Variants in RTTN observed in about 807,000 individuals in gnomAD.
The protein encoded by RTTN is rotatin.
Under a neutral mutation model 269.2 loss-of-function variants are expected in RTTN, and 182 were observed. The observed-to-expected ratio is 0.68, with a 90% confidence interval of 0.60 to 0.76. The LOEUF is 0.76. RTTN is among the 30% of genes least tolerant of loss of function. RTTN has a pLI of 0.00. For synonymous variants in RTTN, 1,006 were observed against 963.5 expected (o/e 1.04, Z -0.82); for missense variants, 2,545 against 2,608.6 (o/e 0.98, Z 0.53).
Position 70,135,297 on chromosome 18 carries a change from A to C in RTTN, c.2789-17T>G, listed in dbSNP as rs1568441100. On this transcript the variant is annotated splice_polypyrimidine_tract_variant and intron_variant, in intron 21 of 48. Transcript: ENST00000640769. ...TTAAGGAAACTGAATAAAAAGAAGCACAACTTTATGAAATATTTGTACGTC... is the reference window on the plus strand; with the variant it reads ...TTAAGGAAACTGAATAAAAAGAAGCCCAACTTTATGAAATATTTGTACGTC... The C allele has an allele frequency of 7.3e-7, 1 of 1,368,546 alleles. No individual in the cohort carries two copies. The highest frequency in any genetic ancestry group is 2.3e-5 in the Admixed American group (1 of 43,344). The allele number at this position is 1,368,546 out of a possible 1,614,324, so 84.8% of individuals were successfully genotyped here.
intron 32 of RTTN, among the ~76,000 whole-genome samples, chr18:70,082,885 G>T (rs996212894): frequency 6.6e-6 from 1 of 151,666 alleles, no homozygotes; most frequent in Admixed American, 6.6e-5. Context: ...TAGAGATGGG[G>T]TCTCACTATG....
At chr18:70,063,332 A>G (rs2058043937) in intron 35 of RTTN, among the ~76,000 whole-genome samples, 2 of 152,198 alleles carry the variant, frequency 1.3e-5, no homozygotes, top group South Asian at 4.1e-4. Context: ...TTTGTATAAT[A>G]TTTTTCCAAA....
chr18:70,127,723 CT>C lies in RTTN; in HGVS notation c.3161del (p.Lys1054SerfsTer10), dbSNP rs778877027. On this transcript the variant is annotated frameshift_variant, in exon 25 of 49. Coordinates refer to ENST00000640769, the MANE Select transcript of RTTN (RefSeq NM_173630.4). LOFTEE classifies it high-confidence loss of function. ...TKTQEILDALKLSTEDILTLK... is the reference protein window; with the variant it reads ...TKTQEILDALXLSTEDILTLK... The stretch of plus-strand genomic sequence containing the variant: ...GAGTGAGGATGTCCTCTGTAGATAA[CT>C]TCAATGCATCTAAAATTCTAGACAA... The C allele has an allele frequency of 3.6e-5, 58 of 1,610,994 alleles. No individual in the cohort carries two copies. Among genetic ancestry groups the C allele is most frequent in the Non-Finnish European group, 4.8e-5 (57 of 1,178,144 alleles).
intron 40 of RTTN, among the ~76,000 whole-genome samples, chr18:70,035,686 A>T (rs2057151342): frequency 6.6e-6 from 1 of 152,242 alleles, no homozygotes. Context: ...AAGCAACTGC[A>T]ACAAAAGCAA....
rs544709354 is a variant in RTTN at position 70,065,450 on chromosome 18, T to C, written c.4747+379A>G. Among the ~76,000 whole-genome samples, 6 of 152,242 alleles carry C rather than the reference T, an allele frequency of 3.9e-5. No homozygotes were observed. The South Asian group carries it at 6.2e-4, about 16-fold the overall frequency. ...TTTTATGTGCCTTTAAATGGAAGCA[T>C]AGCCTTAGAAAATACTTAAAACCAG... On this transcript the variant is annotated intron_variant, in intron 35 of 48. Transcript: ENST00000640769.
chr18:70,077,448 T>C (rs1320818473), intron 32 of RTTN, among the ~76,000 whole-genome samples: 1 of 151,990 alleles, frequency 6.6e-6, no homozygotes, highest in Admixed American at 6.6e-5. Context: ...CTACTGAGGC[T>C]GATGGCCATA....
chr18:70,129,003 G>C (rs1372606680), intron 23 of RTTN: 1 of 153,808 alleles, frequency 6.5e-6, no homozygotes, highest in African/African-American at 2.4e-5. Context: ...TAAATGAATT[G>C]CCTATGATCA....
At position 70,145,782 on chromosome 18, in the gene RTTN, C is replaced by A. The variant is rs1345447747; in HGVS notation, c.2311G>T (p.Val771Phe). Reference sequence around the variant, plus strand: ...AAAAGCTTTAATGCTAGCGAACGGACCCTGAGAACACAAAGTACTTAAGTC... The same window carrying A: ...AAAAGCTTTAATGCTAGCGAACGGAACCTGAGAACACAAAGTACTTAAGTC... Reference protein sequence around the residue: ...LRLLLVKKPSVRSLALKLLAF... With the variant: ...LRLLLVKKPSFRSLALKLLAF... The change falls in exon 18 of 49, where the codon GTC (valine) becomes TTC (phenylalanine). Residue 771 changes from valine to phenylalanine, a missense_variant and splice_region_variant. Transcript: ENST00000640769. The A allele has an allele frequency of 6.2e-7, 1 of 1,600,906 alleles. No individual in the cohort carries two copies.
chr18:70,167,437 A>G (rs2061017410), intron 12 of RTTN, among the ~76,000 whole-genome samples: 1 of 152,204 alleles, frequency 6.6e-6, no homozygotes, highest in Admixed American at 6.5e-5. Context: ...AACTGACCAC[A>G]CAAAATGCCA....
intron 43 of RTTN, among the ~76,000 whole-genome samples, chr18:70,025,078 G>C (rs955314485): frequency 2.0e-5 from 3 of 152,190 alleles, no homozygotes; most frequent in Admixed American, 1.3e-4. Context: ...GTACCACTAA[G>C]TTAGGAAGCA....
intron 14 of RTTN, among the ~76,000 whole-genome samples, chr18:70,156,240 A>G (rs2060672618): frequency 6.6e-6 from 1 of 152,108 alleles, no homozygotes; most frequent in Non-Finnish European, 1.5e-5. Context: ...TGAGAAAGAG[A>G]ATGTGCCCTT....
intron 32 of RTTN, among the ~76,000 whole-genome samples, chr18:70,082,552 T>A (rs1178559786): frequency 6.6e-6 from 1 of 152,170 alleles, no homozygotes; most frequent in Non-Finnish European, 1.5e-5. Context: ...TATGAAACCA[T>A]CCACATTCAG....
intron 45 of RTTN, among the ~76,000 whole-genome samples, chr18:70,018,830 T>C (rs2056618688): frequency 7.0e-6 from 1 of 142,276 alleles, no homozygotes; most frequent in Non-Finnish European, 1.5e-5. Context: ...GCACTCCTTT[T>C]TTTTTTTTTT....
chr18:70,165,961 A>G (rs2060973202), intron 14 of RTTN, 101 bp downstream of exon 14: 2 of 1,165,354 alleles, frequency 1.7e-6, no homozygotes, highest in African/African-American at 1.5e-5. Context: ...TATAGTTCTT[A>G]TATCTCATAC....
intron 25 of RTTN, among the ~76,000 whole-genome samples, chr18:70,122,010 A>T (rs979423476): frequency 7.2e-5 from 11 of 152,246 alleles, no homozygotes; most frequent in Admixed American, 5.9e-4. Context: ...TGACTCTAAT[A>T]ACCGCCCAGT....
At chr18:70,176,539 T>A in intron 11 of RTTN, 136 bp downstream of exon 11, 1 of 627,158 alleles carries the variant, frequency 1.6e-6, no homozygotes, top group East Asian at 3.2e-5. Context: ...ATTTCCCATA[T>A]AACCTGTTAC....
In RTTN at chr18:70,077,546, G is replaced by A. The variant is rs1599415488; in HGVS notation, c.4375-2005C>T. ...TTTTTAAGTATTTTAGAAGTGAGAAGTTACACATGTAAATATGGTATTAGA... is the reference window on the plus strand; with the variant it reads ...TTTTTAAGTATTTTAGAAGTGAGAAATTACACATGTAAATATGGTATTAGA... On this transcript the variant is annotated intron_variant, in intron 32 of 48. Coordinates refer to ENST00000640769, the MANE Select transcript of RTTN (RefSeq NM_173630.4). Among the ~76,000 whole-genome samples, 6 of 151,970 alleles carry A rather than the reference G, an allele frequency of 3.9e-5. No individual in the cohort carries two copies. In the East Asian group the frequency reaches 1.2e-3, roughly 29 times the overall value.
intron 28 of RTTN, among the ~76,000 whole-genome samples, chr18:70,100,778 T>C (rs1385891174): frequency 1.3e-5 from 2 of 152,192 alleles, no homozygotes; most frequent in Non-Finnish European, 2.9e-5. Context: ...TGAGAGTTTT[T>C]AGCATGAAGG....
chr18:70,163,286 G>A (rs2060897354), intron 14 of RTTN, among the ~76,000 whole-genome samples: 1 of 151,744 alleles, frequency 6.6e-6, no homozygotes, highest in South Asian at 2.1e-4. Flanking sequence ...GGAGGCTGAG[G>A]CAGGAGAATC....
Sources: gnomAD v4.1 joint callset for allele counts (sites outside exome capture counted in the v4.1 genomes callset) on GRCh38, gnomAD v4.1.1 for gene constraint, MANE v1.5 for transcripts, NCBI Gene and HGNC (gene_info 2026-07-23, HGNC 2026-07-21) for gene names.